The following BRCA1 variants were observed in gnomAD, a reference collection of about 807,000 sequenced individuals.
The protein encoded by BRCA1 is breast cancer type 1 susceptibility protein.
A neutral mutation model predicts 173.7 loss-of-function variants in BRCA1; 140 were observed. The observed-to-expected ratio is 0.81, with a 90% CI of 0.70 to 0.93. BRCA1 has a LOEUF of 0.93. BRCA1 is among the 40% of genes least tolerant of loss of function. BRCA1 has a pLI of 0.00. For missense variants in BRCA1, 1,983 were observed against 2,172.5 expected (o/e 0.91, Z 1.73); for synonymous variants, 662 against 756.0 (o/e 0.88, Z 2.04).
At chr17:43,149,785 TCA>T (rs1326530108) in intron 1 of BRCA1, among the ~76,000 whole-genome samples, 2 of 152,060 alleles carry the variant, frequency 1.3e-5, no homozygotes, top group African/African-American at 4.8e-5. Context: ...GCCACTACCC[TCA>T]GTTTCTTTTT....
rs28897696 is a variant in BRCA1, at chr17:43,063,903, G to C, written c.5123C>G (p.Ala1708Gly). Residue 1708 changes from alanine (A) to glycine (G), a missense_variant, in exon 17 of 23, where the codon GCG becomes GGG. Transcript: ENST00000357654. ...ATAGCTAACTACCCATTTTCCTCCC[G>C]CAATTCCTAGAAAATATTTCAGTGT... ...ERTLKYFLGI[A>G]GGKWVVSYFW... 1.2e-6 allele frequency: 2 copies of C among 1,613,898 alleles called. No individual in the cohort carries two copies. The highest frequency in any genetic ancestry group is 1.1e-5 in the South Asian group (1 of 91,068).
At chr17:43,099,397 A>G (rs1286096694) in intron 7 of BRCA1, among the ~76,000 whole-genome samples, 1 of 151,402 alleles carries the variant, frequency 6.6e-6, no homozygotes, top group Non-Finnish European at 1.5e-5. Context: ...CAGCCTCCCG[A>G]GTAGCTGGGA....
chr17:43,060,072 ATTT>A (rs953255290), intron 18 of BRCA1, among the ~76,000 whole-genome samples: 2 of 150,758 alleles, frequency 1.3e-5, no homozygotes, highest in African/African-American at 4.9e-5. Flanking sequence ...TTCCCAGCTA[ATTT>A]TTTTTTGTTT....
At chr17:43,135,133 C>G (rs908991940) in intron 1 of BRCA1, among the ~76,000 whole-genome samples, 6 of 152,262 alleles carry the variant, frequency 3.9e-5, no homozygotes, top group African/African-American at 1.4e-4. Flanking sequence ...CCTGCTAGTT[C>G]CTAACCCACG....
intron 1 of BRCA1, among the ~76,000 whole-genome samples, chr17:43,154,650 C>T (rs1489499546): frequency 6.6e-6 from 1 of 150,572 alleles, no homozygotes; most frequent in African/African-American, 2.4e-5. Flanking sequence ...GAGAGTAATT[C>T]ATTTATTATA....
At chr17:43,091,193 G>T in intron 10 of BRCA1, 161 bp from the exon 11 acceptor site, 1 of 886,242 alleles carries the variant, frequency 1.1e-6, no homozygotes, top group East Asian at 2.6e-5. Context: ...TTTATAAAAT[G>T]AAACCAGAAG....
At chr17:43,067,277 AC>A in intron 16 of BRCA1, 1 of 147,310 alleles carries the variant, frequency 6.8e-6, no homozygotes, top group Non-Finnish European at 1.4e-5. Flanking sequence ...TTTTTTTGAG[AC>A]GGAGCCTTGC....
At position 43,157,005 on chromosome 17, in the gene BRCA1, A is replaced by G. The variant is rs556007147; in HGVS notation, c.-20+13121T>C. ...TATTTTAGGCCTACTGTATATTTGCATTTTGAGCTTCCAATACGGATAAGT... is the reference window on the plus strand; with the variant it reads ...TATTTTAGGCCTACTGTATATTTGCGTTTTGAGCTTCCAATACGGATAAGT... On this transcript the variant is annotated intron_variant, in intron 1 of 7. Transcript: ENST00000634433. Among the ~76,000 whole-genome samples, 189 of 152,328 alleles carry G rather than the reference A, an allele frequency of 1.2e-3. 1 individual carries two copies. Among genetic ancestry groups the G allele is most frequent in the Non-Finnish European group, 2.2e-3 (151 of 68,022 alleles).
At chr17:43,097,471 C>T (rs1027773826) in intron 7 of BRCA1, among the ~76,000 whole-genome samples, 182 bp from the exon 8 acceptor site, 7 of 152,078 alleles carry the variant, frequency 4.6e-5, no homozygotes, top group African/African-American at 7.2e-5. Context: ...GCATGGGCTT[C>T]GCCAGGCACA....
Position 43,091,707 on chromosome 17 carries a change from A to G in BRCA1, c.3824T>C (p.Ile1275Thr). Residue 1275 changes from isoleucine (I) to threonine (T), a missense_variant, in exon 10 of 23, where the codon ATA (isoleucine) becomes ACA (threonine). Coordinates refer to ENST00000357654, the MANE Select transcript of BRCA1 (RefSeq NM_007294.4). ...ATGTTCCTGAGATGCCTTTGCCAAT[A>G]TTACCTGGTTACTGCAGTCATTTAA... Reference protein sequence around the residue: ...NSLNDCSNQVILAKASQEHHL... With the variant: ...NSLNDCSNQVTLAKASQEHHL... 1 of 1,614,202 alleles carries G rather than the reference A, an allele frequency of 6.2e-7. No individual in the cohort carries two copies. The highest frequency in any genetic ancestry group is 8.5e-7 in the Non-Finnish European group (1 of 1,180,036).
At chr17:43,068,319 A>C (rs949388306) in intron 15 of BRCA1, among the ~76,000 whole-genome samples, 4 of 151,952 alleles carry the variant, frequency 2.6e-5, no homozygotes, top group African/African-American at 9.7e-5. Context: ...TAAATAGTTT[A>C]ATAAAAATTA....
chr17:43,120,874 G>A (rs941031158), intron 2 of BRCA1, among the ~76,000 whole-genome samples: 3 of 152,106 alleles, frequency 2.0e-5, no homozygotes, highest in African/African-American at 7.2e-5. Context: ...AGACCAGCCT[G>A]ACCAACGTGA....
chr17:43,051,195 A>G, intron 19 of BRCA1, 78 bp from the exon 20 acceptor site: 2 of 1,384,892 alleles, frequency 1.4e-6, no homozygotes, highest in Non-Finnish European at 2.1e-6. Context: ...ATTGGCTTTT[A>G]TTCAAAAAAC....
chr17:43,099,275 T>C (rs1366743197), intron 7 of BRCA1, among the ~76,000 whole-genome samples: 1 of 151,414 alleles, frequency 6.6e-6, no homozygotes, highest in Non-Finnish European at 1.5e-5. Flanking sequence ...TCTTTTGCTC[T>C]CTTTTTTTTT....
chr17:43,169,948 G>A, intron 1 of BRCA1: 1 of 465,668 alleles, frequency 2.1e-6, no homozygotes, highest in Non-Finnish European at 4.4e-6. Context: ...AACAAGCCAG[G>A]CCAAAAAGTT....
At chr17:43,089,554 T>G (rs1567787301) in intron 11 of BRCA1, among the ~76,000 whole-genome samples, 1 of 151,850 alleles carries the variant, frequency 6.6e-6, no homozygotes, top group South Asian at 2.1e-4. Flanking sequence ...ACTTTCTTTT[T>G]TTTTTTTTTT....
chr17:43,142,982 ATATATATATG>A (rs2056088572), intron 1 of BRCA1, among the ~76,000 whole-genome samples: 1 of 147,634 alleles, frequency 6.8e-6, no homozygotes, highest in Non-Finnish European at 1.5e-5. Flanking sequence ...ATATGTGTGT[ATATATATATG>A]TATATATGTA....
chr17:43,065,318 C>T (rs1010762486), intron 16 of BRCA1, among the ~76,000 whole-genome samples: 2 of 152,060 alleles, frequency 1.3e-5, no homozygotes, highest in South Asian at 4.1e-4. Context: ...AGAAGTTCAA[C>T]GGCAATGTGT....
intron 21 of BRCA1, 69 bp from the exon 22 acceptor site, chr17:43,047,772 T>C: frequency 6.6e-7 from 1 of 1,504,378 alleles, no homozygotes; most frequent in Non-Finnish European, 9.2e-7. Context: ...CACTTCATCA[T>C]TTTTTTTGTT....
Sources: allele counts gnomAD v4.1 joint callset (sites outside exome capture counted in the v4.1 genomes callset), GRCh38; gene constraint gnomAD v4.1.1; transcripts MANE v1.5; gene names NCBI Gene and HGNC (gene_info 2026-07-23, HGNC 2026-07-21).